The following SOX5 variants were observed in gnomAD, a reference collection of about 807,000 sequenced individuals.
The protein encoded by SOX5 is SRY-box transcription factor 5, also known as transcription factor SOX-5.
Under a neutral mutation model 92.0 loss-of-function variants are expected in SOX5, and 9 were observed. The observed-to-expected ratio is 0.10, with a 90% CI of 0.06 to 0.17. The LOEUF (loss-of-function observed/expected upper bound fraction) is 0.17. Among genes scored for constraint, SOX5 ranks in the 10% least tolerant of loss-of-function variants. The pLI, the probability that SOX5 is intolerant of heterozygous loss-of-function variation, is 1.00. For synonymous variants in SOX5, 344 were observed against 336.3 expected (o/e 1.02, Z -0.25); for missense variants, 642 against 944.5 (o/e 0.68, Z 4.20).
At chr12:24,395,142 T>C (rs926406582) in intron 1 of SOX5, among the ~76,000 whole-genome samples, 2 of 152,124 alleles carry the variant, frequency 1.3e-5, no homozygotes, top group Non-Finnish European at 2.9e-5. Flanking sequence ...TCTTCTTCCA[T>C]GAATAAGAAC....
chr12:23,662,174 G>T (rs894399745), intron 7 of SOX5, among the ~76,000 whole-genome samples: 32 of 152,064 alleles, frequency 2.1e-4, no homozygotes, highest in South Asian at 1.0e-3. Flanking sequence ...TATATATAGA[G>T]AGAGAGAGAG....
intron 11 of SOX5, among the ~76,000 whole-genome samples, chr12:23,549,212 T>C (rs964631136): frequency 5.3e-5 from 8 of 151,972 alleles, no homozygotes; most frequent in Non-Finnish European, 1.0e-4. Context: ...ACAAGGACAG[T>C]AGATTTCAGG....
At chr12:24,484,943 A>G (rs1187799254) in intron 1 of SOX5, among the ~76,000 whole-genome samples, 1 of 152,224 alleles carries the variant, frequency 6.6e-6, no homozygotes, top group Non-Finnish European at 1.5e-5. Flanking sequence ...TGGAAAATAA[A>G]TACTTTTGTA....
chr12:24,157,501 C>CT (rs1384875986), intron 4 of SOX5, among the ~76,000 whole-genome samples: 1 of 152,086 alleles, frequency 6.6e-6, no homozygotes, highest in East Asian at 1.9e-4. Flanking sequence ...TTACTAATCT[C>CT]TAAATGCTTA....
At chr12:24,533,739 A>G (rs1053909202) in intron 1 of SOX5, among the ~76,000 whole-genome samples, 9 of 152,164 alleles carry the variant, frequency 5.9e-5, no homozygotes, top group Non-Finnish European at 2.9e-5. Context: ...AGTGCATGCT[A>G]TTGTTTAAAC....
intron 4 of SOX5, among the ~76,000 whole-genome samples, chr12:24,082,753 T>A (rs751767641): frequency 2.0e-5 from 3 of 151,888 alleles, no homozygotes; most frequent in Non-Finnish European, 2.9e-5. Context: ...TTTTTTTTCT[T>A]AGTTTTTTCT....
At chr12:23,930,627 G>A (rs1569076437) in intron 1 of SOX5, among the ~76,000 whole-genome samples, 3 of 151,686 alleles carry the variant, frequency 2.0e-5, no homozygotes, top group African/African-American at 7.3e-5. Flanking sequence ...ACAGTTCTTA[G>A]TTGTTCTTAA....
At chr12:24,071,019 T>C (rs545401621) in intron 4 of SOX5, among the ~76,000 whole-genome samples, 1 of 152,312 alleles carries the variant, frequency 6.6e-6, no homozygotes, top group Admixed American at 6.5e-5. Context: ...TTTCTGTACA[T>C]TATCTTATTT....
intron 1 of SOX5, among the ~76,000 whole-genome samples, chr12:24,526,441 A>G (rs1233034175): frequency 6.6e-6 from 1 of 152,206 alleles, no homozygotes; most frequent in African/African-American, 2.4e-5. Context: ...GACTCGGTTT[A>G]CACATAGCGA....
Position 23,603,447 on chromosome 12 carries a change from T to TATATATATATATATAAA in SOX5, c.1164+939_1164+940insTTTATATATATATATAT, listed in dbSNP as rs1555193705. Among the ~76,000 whole-genome samples the TATATATATATATATAAA allele has an allele frequency of 2.7e-4, 19 of 70,680 alleles. 1 individual carries two copies. The highest frequency in any genetic ancestry group is 6.0e-3 in the Middle Eastern group (1 of 166). The allele number at this position is 70,680 out of a possible 152,430, so 46.4% of individuals were successfully genotyped here. On this transcript the variant is annotated intron_variant, in intron 9 of 14. Transcript: ENST00000451604. ...CAGCAAAATAAATATATATATAAAATATATATATATATATATATATTTTGC... is the reference window on the plus strand; with the variant it reads ...CAGCAAAATAAATATATATATAAAATATATATATATATATAAAATATATATATATATATATATTTTGC...
intron 2 of SOX5, among the ~76,000 whole-genome samples, chr12:24,315,725 C>A (rs1340995288): frequency 3.3e-5 from 5 of 152,112 alleles, no homozygotes; most frequent in African/African-American, 1.2e-4. Context: ...ATTTAGAAAT[C>A]TTTACTAATT....
At chr12:24,370,796 C>G (rs1342119776) in intron 1 of SOX5, among the ~76,000 whole-genome samples, 1 of 140,974 alleles carries the variant, frequency 7.1e-6, no homozygotes, top group East Asian at 1.9e-4. Context: ...TGTCAAAAGA[C>G]AACAACAACA....
chr12:23,554,322 G>A (rs1161948295), intron 11 of SOX5, among the ~76,000 whole-genome samples: 1 of 152,110 alleles, frequency 6.6e-6, no homozygotes, highest in Non-Finnish European at 1.5e-5. Context: ...TGTACAGATT[G>A]TGGAGATGGT....
At chr12:24,117,616 A>T (rs1039909310) in intron 4 of SOX5, among the ~76,000 whole-genome samples, 1 of 152,242 alleles carries the variant, frequency 6.6e-6, no homozygotes, top group African/African-American at 2.4e-5. Flanking sequence ...GATTATACAC[A>T]GTAGCATACT....
intron 2 of SOX5, among the ~76,000 whole-genome samples, chr12:24,308,207 GAAC>G (rs1251346204): frequency 6.6e-6 from 1 of 152,238 alleles, no homozygotes; most frequent in East Asian, 1.9e-4. Context: ...GAACTCCAGT[GAAC>G]ACACTGCTCC....
chr12:24,090,892 C>T (rs1358271017), intron 4 of SOX5, among the ~76,000 whole-genome samples: 1 of 152,150 alleles, frequency 6.6e-6, no homozygotes, highest in Non-Finnish European at 1.5e-5. Context: ...CACAGAGCAC[C>T]TGACAATCAA....
chr12:24,290,217 C>T (rs1182600596), intron 2 of SOX5, among the ~76,000 whole-genome samples: 2 of 152,214 alleles, frequency 1.3e-5, no homozygotes, highest in Non-Finnish European at 2.9e-5. Flanking sequence ...ATTTTATCCT[C>T]ATATCCAAAT....
At chr12:23,555,272 G>A (rs537237094) in intron 11 of SOX5, among the ~76,000 whole-genome samples, 2 of 151,888 alleles carry the variant, frequency 1.3e-5, no homozygotes, top group Admixed American at 1.3e-4. Context: ...GCATATCCTC[G>A]AATCCCTAAA....
chr12:23,611,365 T>C (rs865918920), intron 8 of SOX5, among the ~76,000 whole-genome samples: 5 of 127,928 alleles, frequency 3.9e-5, no homozygotes, highest in East Asian at 2.4e-4. Context: ...TGTGTGTGTG[T>C]GTGCGTGTGT....
Sources: gnomAD v4.1 joint callset for allele counts (sites outside exome capture counted in the v4.1 genomes callset) on GRCh38, gnomAD v4.1.1 for gene constraint, MANE v1.5 for transcripts, NCBI Gene and HGNC (gene_info 2026-07-23, HGNC 2026-07-21) for gene names.